DLGAP1: variants seen among roughly 807,000 people sequenced by gnomAD.
The protein encoded by DLGAP1 is DLG associated protein 1.
In DLGAP1, 11 loss-of-function variants were observed where a neutral mutation model predicts 90.8. The ratio of observed to expected loss-of-function variants is 0.12; its 90% CI spans 0.08 to 0.20. DLGAP1 has a LOEUF of 0.20. Among genes scored for constraint, DLGAP1 ranks in the 10% least tolerant of loss-of-function variants. The pLI, the probability that DLGAP1 is intolerant of heterozygous loss-of-function variation, is 1.00. For synonymous variants in DLGAP1, 558 were observed against 540.7 expected, an observed-to-expected ratio of 1.03 and a Z score of -0.44; for missense variants, 1,050 against 1,333.8, an observed-to-expected ratio of 0.79 and a Z score of 3.31.
At chr18:3,536,312 C>G (rs1248038947) in intron 9 of DLGAP1, among the ~76,000 whole-genome samples, 1 of 150,928 alleles carries the variant, frequency 6.6e-6, no homozygotes, top group Admixed American at 6.6e-5. Context: ...CAACCTGTGA[C>G]TCCCTGGTTC....
At chr18:4,442,024 C>T (rs773524033) in intron 1 of DLGAP1, among the ~76,000 whole-genome samples, 2 of 152,224 alleles carry the variant, frequency 1.3e-5, no homozygotes, top group Non-Finnish European at 2.9e-5. Flanking sequence ...CAGAATCTCA[C>T]TCTGTCGCCC....
At chr18:4,080,648 T>C (rs2075591956) in intron 2 of DLGAP1, among the ~76,000 whole-genome samples, 1 of 152,208 alleles carries the variant, frequency 6.6e-6, no homozygotes, top group Non-Finnish European at 1.5e-5. Context: ...TTCTGCGGGC[T>C]GCTCCCTGGG....
intron 8 of DLGAP1, among the ~76,000 whole-genome samples, chr18:3,571,825 C>T (rs556076237): frequency 5.8e-4 from 89 of 152,216 alleles, no homozygotes; most frequent in Non-Finnish European, 7.4e-4. Flanking sequence ...TGTTCCCGGC[C>T]GCCTGGAGGT....
Position 3,880,076 on chromosome 18 carries a change from C to A in DLGAP1, c.-8G>T. The A allele has an allele frequency of 1.3e-6, 2 of 1,597,216 alleles. No individual in the cohort carries two copies. The highest frequency in any genetic ancestry group is 1.7e-6 in the Non-Finnish European group (2 of 1,179,110). On this transcript the variant is annotated 5_prime_UTR_variant, in exon 4 of 13. Coordinates refer to ENST00000315677, the MANE Select transcript of DLGAP1 (RefSeq NM_004746.4). ...GCCTGATAGCCCTTTCATGGCGGAC[C>A]GGAAGCAGCCGCCAGGGTCATGGAC...
Position 4,407,642 on chromosome 18 carries a change from G to A in DLGAP1, c.-267+47364C>T, listed in dbSNP as rs140446216. Among the ~76,000 whole-genome samples, 740 of 152,222 alleles carry A rather than the reference G, an allele frequency of 4.9e-3. 5 individuals are homozygous for A. Among genetic ancestry groups the A allele is most frequent in the African/African-American group, 0.017 (688 of 41,530 alleles). ...GCCTGTAATCCCAGCACTTTGGGAG[G>A]CTGAGGCGGTAGGATCACTTCAGGT... On this transcript the variant is annotated intron_variant, in intron 1 of 12. Transcript: ENST00000315677.
intron 9 of DLGAP1, among the ~76,000 whole-genome samples, chr18:3,542,105 C>T (rs1209161138): frequency 6.6e-6 from 1 of 152,134 alleles, no homozygotes; most frequent in East Asian, 1.9e-4. Context: ...TTAAGTATGT[C>T]CTGGAGGTCT....
rs73380578 is a variant in DLGAP1, at chr18:4,049,561, T to C, written c.-158-44360A>G. ...GCTCTAATTTATAAGTCTGGGATTT[T>C]GCCTCAGTTTCCTTAGGGAATTCCT... is the stretch of plus-strand genomic sequence containing the variant. On this transcript the variant is annotated intron_variant, in intron 2 of 12. Transcript: ENST00000315677. 4.4e-3 allele frequency among the ~76,000 whole-genome samples: 668 copies of C among 152,290 alleles called. 5 individuals are homozygous for C. Among genetic ancestry groups the C allele is most frequent in the African/African-American group, 0.015 (636 of 41,564 alleles).
At chr18:3,516,940 C>G (rs1022478425) in intron 10 of DLGAP1, among the ~76,000 whole-genome samples, 3 of 152,222 alleles carry the variant, frequency 2.0e-5, no homozygotes, top group African/African-American at 7.2e-5. Flanking sequence ...AAACAACTTT[C>G]ATCTCCATGT....
intron 1 of DLGAP1, among the ~76,000 whole-genome samples, chr18:4,386,393 A>G (rs979361181): frequency 2.0e-5 from 3 of 152,150 alleles, no homozygotes; most frequent in Non-Finnish European, 2.9e-5. Context: ...AACAACCCCA[A>G]ATTTTCCATT....
At chr18:4,040,956 A>G (rs1413882647) in intron 2 of DLGAP1, among the ~76,000 whole-genome samples, 1 of 152,200 alleles carries the variant, frequency 6.6e-6, no homozygotes, top group Non-Finnish European at 1.5e-5. Context: ...CGGCATTAAC[A>G]TGATTCTCCC....
intron 10 of DLGAP1, among the ~76,000 whole-genome samples, chr18:3,531,434 T>A (rs977137363): frequency 6.6e-6 from 1 of 151,856 alleles, no homozygotes; most frequent in African/African-American, 2.4e-5. Flanking sequence ...CAAGACTCTG[T>A]CTTTTAAAAA....
chr18:3,664,216 A>ACCCC (rs35538306), intron 7 of DLGAP1, among the ~76,000 whole-genome samples: 24 of 89,878 alleles, frequency 2.7e-4, no homozygotes, highest in African/African-American at 1.2e-3. Flanking sequence ...ACACACACAC[A>ACCCC]CCCACACACA....
chr18:3,728,928 CCA>C (rs1312305641), intron 7 of DLGAP1, among the ~76,000 whole-genome samples: 1 of 152,058 alleles, frequency 6.6e-6, no homozygotes, highest in Non-Finnish European at 1.5e-5. Flanking sequence ...CCTGTGGATG[CCA>C]GAGATAGAGA....
chr18:3,750,535 C>T (rs2063455681), intron 5 of DLGAP1, among the ~76,000 whole-genome samples: 1 of 152,180 alleles, frequency 6.6e-6, no homozygotes, highest in Admixed American at 6.6e-5. Context: ...GTTCTTGCCT[C>T]TCTCTCCTTC....
rs576257500 is a variant in DLGAP1, at chr18:3,558,394, G to C, written c.2057+9096C>G. 3.9e-5 allele frequency among the ~76,000 whole-genome samples: 6 copies of C among 152,028 alleles called. No individual in the cohort carries two copies. In the South Asian group the frequency reaches 1.2e-3, roughly 32 times the overall value. On this transcript the variant is annotated intron_variant, in intron 9 of 12. Transcript: ENST00000315677. ...ACCACAGGCACGTGCTATAACACCC[G>C]GCTATTTTTTGTATTTTTAGTAGAG...
intron 1 of DLGAP1, among the ~76,000 whole-genome samples, chr18:4,168,910 A>C (rs2144568794): frequency 6.6e-6 from 1 of 152,266 alleles, no homozygotes; most frequent in Admixed American, 6.5e-5. Flanking sequence ...GCAGGATAAT[A>C]TTCCTTTGTA....
rs559242968 is a variant in DLGAP1 at position 4,403,523 on chromosome 18, T to C, written c.-267+51483A>G. On this transcript the variant is annotated intron_variant, in intron 1 of 12. Transcript: ENST00000315677. ...TTAAATGATAGGCAATATTTCGCCA[T>C]GCATGCTTTAAATTACGCACAAAAA... is the stretch of plus-strand genomic sequence containing the variant. Among the ~76,000 whole-genome samples the C allele has an allele frequency of 2.0e-5, 3 of 152,302 alleles. No individual in the cohort carries two copies. In the East Asian group the frequency reaches 5.8e-4, roughly 29 times the overall value.
chr18:3,624,799 C>T (rs995114585), intron 7 of DLGAP1, among the ~76,000 whole-genome samples: 1 of 152,148 alleles, frequency 6.6e-6, no homozygotes, highest in Non-Finnish European at 1.5e-5. Flanking sequence ...CATATCACAT[C>T]TGAGTTAGGC....
intron 7 of DLGAP1, among the ~76,000 whole-genome samples, chr18:3,682,154 C>T (rs958058591): frequency 3.3e-5 from 5 of 150,550 alleles, no homozygotes; most frequent in Admixed American, 2.0e-4. Context: ...AAATAACGAA[C>T]GAACTAACTA....
Sources: gnomAD v4.1 joint callset for allele counts (sites outside exome capture counted in the v4.1 genomes callset) on GRCh38, gnomAD v4.1.1 for gene constraint, MANE v1.5 for transcripts, NCBI Gene and HGNC (gene_info 2026-07-23, HGNC 2026-07-21) for gene names.